DLC1: variants seen among roughly 807,000 people sequenced by gnomAD.
The protein encoded by DLC1 is DLC1 Rho GTPase activating protein, also known as rho GTPase-activating protein 7.
Under a neutral mutation model 140.3 loss-of-function variants are expected in DLC1, and 54 were observed. The ratio of observed to expected loss-of-function variants is 0.38; its 90% confidence interval spans 0.31 to 0.48. DLC1 has a LOEUF of 0.48. Ranked by LOEUF, DLC1 falls within the 20% of genes least tolerant of loss-of-function variation. DLC1 has a pLI of 0.96. For synonymous variants in DLC1, 986 were observed against 728.1 expected (o/e 1.35, Z -5.70); for missense variants, 2,536 against 1,907.0 (o/e 1.33, Z -6.14).
At chr8:13,407,479 A>G (rs1837618883) in intron 2 of DLC1, among the ~76,000 whole-genome samples, 1 of 152,200 alleles carries the variant, frequency 6.6e-6, no homozygotes, top group Admixed American at 6.5e-5. Context: ...GACTGGAGAA[A>G]TATAAAGTCC....
At chr8:13,400,699 C>T (rs1185578889) in intron 3 of DLC1, among the ~76,000 whole-genome samples, 2 of 151,994 alleles carry the variant, frequency 1.3e-5, no homozygotes, top group African/African-American at 4.8e-5. Flanking sequence ...AATTTCTTGA[C>T]TTAATATGTT....
Position 13,499,122 on chromosome 8 carries a change from T to A in DLC1, c.950A>T (p.Gln317Leu). 1.9e-6 allele frequency: 3 copies of A among 1,614,196 alleles called. No individual in the cohort carries two copies. Among genetic ancestry groups the A allele is most frequent in the Non-Finnish European group, 2.5e-6 (3 of 1,180,004 alleles). ...CAGGGTCTCCTTTAATTGTAAACAC[T>A]GCATGCCATCTTCTGCCTTGACCTT... Reference protein sequence around the residue: ...PPKVKAEDGMQCLQLKETLAT... With the variant: ...PPKVKAEDGMLCLQLKETLAT... The change falls in exon 2 of 18, where the codon CAG becomes CTG. Residue 317 changes from glutamine to leucine, a missense_variant. Gln to Leu is a moderately radical substitution (Grantham distance 113). Transcript: ENST00000276297.
chr8:13,121,067 G>A (rs1278842839), intron 5 of DLC1, among the ~76,000 whole-genome samples: 4 of 152,222 alleles, frequency 2.6e-5, no homozygotes, highest in East Asian at 3.9e-4. Flanking sequence ...ATCAGGCTTC[G>A]ATGCAAATGG....
At chr8:13,274,540 C>G (rs1020305233) in intron 5 of DLC1, among the ~76,000 whole-genome samples, 8 of 152,164 alleles carry the variant, frequency 5.3e-5, no homozygotes, top group Admixed American at 2.6e-4. Flanking sequence ...CTGTTTTTCT[C>G]TAAGTGTTTT....
chr8:13,576,568 A>G (rs1279931969), intron 1 of DLC1, among the ~76,000 whole-genome samples: 3 of 152,238 alleles, frequency 2.0e-5, no homozygotes, highest in African/African-American at 7.2e-5. Flanking sequence ...GAGAGAGTCG[A>G]TTGCTATTTC....
chr8:13,226,959 G>T (rs1039571009), intron 5 of DLC1, among the ~76,000 whole-genome samples: 1 of 152,128 alleles, frequency 6.6e-6, no homozygotes, highest in African/African-American at 2.4e-5. Context: ...GATACTGTGA[G>T]GAGGTTAATC....
chr8:13,344,305 C>A (rs374560543), intron 4 of DLC1, among the ~76,000 whole-genome samples: 59 of 152,116 alleles, frequency 3.9e-4, no homozygotes, highest in African/African-American at 1.3e-3. Context: ...ACCAGCCTGA[C>A]CAACATGGTG....
chr8:13,209,010 A>G (rs1416622450), intron 5 of DLC1, among the ~76,000 whole-genome samples: 1 of 152,216 alleles, frequency 6.6e-6, no homozygotes, highest in Non-Finnish European at 1.5e-5. Flanking sequence ...GTTAAAGAAG[A>G]TGAAAATAAA....
intron 1 of DLC1, among the ~76,000 whole-genome samples, chr8:13,511,692 G>A (rs1253685620): frequency 6.6e-6 from 1 of 151,970 alleles, no homozygotes; most frequent in African/African-American, 2.4e-5. Context: ...AGTTTTCAGT[G>A]TTCCCTTGTC....
chr8:13,511,524 A>G (rs1448432691), intron 1 of DLC1, among the ~76,000 whole-genome samples: 1 of 152,172 alleles, frequency 6.6e-6, no homozygotes, highest in East Asian at 1.9e-4. Context: ...CCAAAACAGA[A>G]CCATAGAAGT....
chr8:13,232,435 G>C (rs1441291515), intron 5 of DLC1, among the ~76,000 whole-genome samples: 1 of 152,060 alleles, frequency 6.6e-6, no homozygotes, highest in Non-Finnish European at 1.5e-5. Flanking sequence ...CCGGGTTCAA[G>C]CGATTCTCCT....
At chr8:13,422,043 G>A (rs546841948) in intron 2 of DLC1, among the ~76,000 whole-genome samples, 1 of 152,032 alleles carries the variant, frequency 6.6e-6, no homozygotes, top group Non-Finnish European at 1.5e-5. Flanking sequence ...TAATTCTTTG[G>A]TTATCAATTG....
At chr8:13,449,562 T>C (rs960002371) in intron 2 of DLC1, among the ~76,000 whole-genome samples, 7 of 150,510 alleles carry the variant, frequency 4.7e-5, no homozygotes, top group Admixed American at 2.7e-4. Context: ...CAGCAAACTA[T>C]CGCAAGGACA....
chr8:13,332,145 A>G (rs1252161157), intron 4 of DLC1, among the ~76,000 whole-genome samples: 1 of 152,232 alleles, frequency 6.6e-6, no homozygotes, highest in Admixed American at 6.5e-5. Context: ...GCCCCTTTAA[A>G]TTAAAAACAA....
intron 5 of DLC1, among the ~76,000 whole-genome samples, chr8:13,118,310 G>C (rs929948306): frequency 6.6e-6 from 1 of 152,138 alleles, no homozygotes; most frequent in Non-Finnish European, 1.5e-5. Context: ...GCAAAGGTTT[G>C]CTTCTTCAGC....
rs538189426 is a variant in DLC1 at position 13,406,683 on chromosome 8, T to C, written c.1024-5064A>G. On this transcript the variant is annotated intron_variant, in intron 2 of 17. Transcript: ENST00000276297. Reference sequence around the variant, plus strand: ...CTTCTCTGGATATGATATAATTCTGTCAATGACTCAATTAACTGTTGGTGC... The same window carrying C: ...CTTCTCTGGATATGATATAATTCTGCCAATGACTCAATTAACTGTTGGTGC... 2.6e-5 allele frequency among the ~76,000 whole-genome samples: 4 copies of C among 152,310 alleles called. No individual in the cohort carries two copies. In the South Asian group the frequency reaches 6.2e-4, roughly 24 times the overall value.
In DLC1 at chr8:13,236,813, A is replaced by C. The variant is rs187470311; in HGVS notation, c.1348+68456T>G. Reference sequence around the variant, plus strand: ...AGTTCATATCCATCTAAAAGGGTGAATTTGCTACTTGCCCATGAGAAGTGT... The same window carrying C: ...AGTTCATATCCATCTAAAAGGGTGACTTTGCTACTTGCCCATGAGAAGTGT... On this transcript the variant is annotated intron_variant, in intron 5 of 17. Transcript: ENST00000276297. Among the ~76,000 whole-genome samples the C allele has an allele frequency of 3.9e-4, 60 of 152,250 alleles. 1 individual carries two copies. Among genetic ancestry groups the C allele is most frequent in the Admixed American group, 3.8e-3 (58 of 15,294 alleles).
chr8:13,321,569 A>C (rs1833124153), intron 4 of DLC1, among the ~76,000 whole-genome samples: 2 of 139,818 alleles, frequency 1.4e-5, no homozygotes, highest in East Asian at 4.4e-4. Context: ...AAAAAAAAGA[A>C]ACCTAAACAG....
At chr8:13,373,394 T>C (rs573573292) in intron 4 of DLC1, among the ~76,000 whole-genome samples, 1 of 152,338 alleles carries the variant, frequency 6.6e-6, no homozygotes, top group African/African-American at 2.4e-5. Flanking sequence ...AATCATTGTT[T>C]ATCTTATTCT....
Sources: gnomAD v4.1 joint callset for allele counts (sites outside exome capture counted in the v4.1 genomes callset) on GRCh38, gnomAD v4.1.1 for gene constraint, MANE v1.5 for transcripts, NCBI Gene and HGNC (gene_info 2026-07-23, HGNC 2026-07-21) for gene names.